FANCB: variants seen among roughly 807,000 people sequenced by gnomAD.
FANCB encodes the protein FA complementation group B.
In FANCB, 5 loss-of-function variants were observed where a neutral mutation model predicts 38.9. The observed-to-expected ratio is 0.13, with a 90% CI of 0.07 to 0.27. FANCB has a LOEUF of 0.27. Ranked by LOEUF, FANCB falls within the 10% of genes least tolerant of loss-of-function variation. The probability of loss-of-function intolerance (pLI) is 1.00; values close to 1 mark genes in which losing one functional copy is unlikely to be tolerated. For synonymous variants in FANCB, 236 were observed against 215.4 expected, an observed-to-expected ratio of 1.10 and a Z score of -0.84; for missense variants, 573 against 602.7, an observed-to-expected ratio of 0.95 and a Z score of 0.52.
the FANCB span, among the ~76,000 whole-genome samples, chrX:14,814,732 C>G: frequency 8.9e-6 from 1 of 112,142 alleles, no homozygotes; most frequent in Non-Finnish European, 1.9e-5. Context: ...GGAACGTAAA[C>G]TAGTTCAACC....
At chrX:14,834,524 C>T (rs2092335953), downstream of FANCB, 3 of 501,027 alleles carry the variant, frequency 6.0e-6, no homozygotes, top group Admixed American at 2.4e-5. Flanking sequence ...TGGTCAGTCA[C>T]CCAGAAGCAA....
downstream of FANCB, chrX:14,834,731 AT>A: frequency 1.4e-6 from 1 of 739,162 alleles, no homozygotes; most frequent in Non-Finnish European, 2.1e-6. Flanking sequence ...TTCCATTCTG[AT>A]TTGACTTGTG....
chrX:14,812,473 T>C, the FANCB span, among the ~76,000 whole-genome samples: 7 of 111,796 alleles, frequency 6.3e-5, no homozygotes, highest in African/African-American at 1.9e-4. Flanking sequence ...TAAAAAATGA[T>C]AAAGGGGATA....
At chrX:14,709,262 A>AC in the FANCB span, among the ~76,000 whole-genome samples, 22 of 110,151 alleles carry the variant, frequency 2.0e-4, no homozygotes, top group African/African-American at 3.0e-4. Context: ...AGGGCTACAG[A>AC]CCCCCCATCA....
At chrX:14,860,019 A>G (rs764426562) in intron 3 of FANCB, among the ~76,000 whole-genome samples, 4 of 111,671 alleles carry the variant, frequency 3.6e-5, no homozygotes, top group Admixed American at 1.9e-4. Context: ...GCCTCACGGA[A>G]TGATTTGGTC....
At chrX:14,759,430 A>G in the FANCB span, among the ~76,000 whole-genome samples, 1 of 111,715 alleles carries the variant, frequency 9.0e-6, no homozygotes, top group Non-Finnish European at 1.9e-5. Context: ...TAAGTTATCT[A>G]AAGTCAAAAT....
chrX:14,754,006 C>A, the FANCB span, among the ~76,000 whole-genome samples: 1 of 112,193 alleles, frequency 8.9e-6, no homozygotes, highest in South Asian at 3.6e-4. Flanking sequence ...CCAGAGAAGC[C>A]AATGTTTGCC....
chrX:14,692,639 C>A, the FANCB span, among the ~76,000 whole-genome samples: 1 of 111,411 alleles, frequency 9.0e-6, no homozygotes, highest in Non-Finnish European at 1.9e-5. Context: ...GAATCTGTAC[C>A]CTTAATAAGC....
At chrX:14,735,447 C>T in the FANCB span, among the ~76,000 whole-genome samples, 2 of 111,926 alleles carry the variant, frequency 1.8e-5, no homozygotes, top group African/African-American at 3.2e-5. Flanking sequence ...GATGTTGATG[C>T]TATTCCTTTT....
chrX:14,822,345 G>A, the FANCB span, among the ~76,000 whole-genome samples: 1 of 109,536 alleles, frequency 9.1e-6, no homozygotes, highest in Admixed American at 9.9e-5. Flanking sequence ...ACAGGGCTGG[G>A]GTAGCCTTCA....
chrX:14,835,328 G>A (rs2092338345), downstream of FANCB: 5 of 478,501 alleles, frequency 1.0e-5, no homozygotes, highest in South Asian at 1.2e-4. Context: ...CCATCAGGTG[G>A]CTACATGCAC....
At chrX:14,855,848 C>A (rs1343978028) in intron 5 of FANCB, among the ~76,000 whole-genome samples, 2 of 112,038 alleles carry the variant, frequency 1.8e-5, no homozygotes, top group Non-Finnish European at 3.8e-5. Context: ...CACATGCTCC[C>A]AGGGCAAAAG....
the FANCB span, among the ~76,000 whole-genome samples, chrX:14,794,122 C>T: frequency 9.0e-6 from 1 of 111,478 alleles, no homozygotes; most frequent in African/African-American, 3.3e-5. Flanking sequence ...CTTTTACATA[C>T]AGCTAGGTAA....
At chrX:14,766,413 C>T in the FANCB span, among the ~76,000 whole-genome samples, 1 of 111,625 alleles carries the variant, frequency 9.0e-6, no homozygotes, top group African/African-American at 3.3e-5. Flanking sequence ...TTAGTAAGCA[C>T]CCAGAAGTAA....
the FANCB span, among the ~76,000 whole-genome samples, chrX:14,816,157 T>C: frequency 3.6e-5 from 4 of 111,883 alleles, no homozygotes; most frequent in Non-Finnish European, 7.5e-5. Flanking sequence ...ATCCTCTAAA[T>C]TTATGTAAAT....
At position 14,843,895 on chromosome X, in the gene FANCB, C is replaced by T. The variant is rs749699443; in HGVS notation, c.2252G>A (p.Ser751Asn). The T allele has an allele frequency of 8.3e-7, 1 of 1,203,435 alleles. No individual in the cohort carries two copies. Among genetic ancestry groups the T allele is most frequent in the African/African-American group, 1.8e-5 (1 of 56,955 alleles). Residue 751 changes from serine to asparagine, a missense_variant, in exon 10 of 10, where the codon AGT becomes AAT. Transcript: ENST00000650831. ...CATATTATCAATTAGGAAATTCTCACTTCCTGATTTTAGATTTTTGAGGAA... is the reference window on the plus strand; with the variant it reads ...CATATTATCAATTAGGAAATTCTCATTTCCTGATTTTAGATTTTTGAGGAA... ...NCFLKNLKSGSENFLIDNMAF... is the reference protein window; with the variant it reads ...NCFLKNLKSGNENFLIDNMAF...
intron 7 of FANCB, among the ~76,000 whole-genome samples, chrX:14,846,176 T>C (rs779391764): frequency 9.0e-6 from 1 of 111,464 alleles, no homozygotes; most frequent in South Asian, 3.7e-4. Context: ...AGACAGAAGA[T>C]ACAGAAAGAA....
At chrX:14,848,989 A>G (rs2092389291) in intron 7 of FANCB, among the ~76,000 whole-genome samples, 2 of 111,054 alleles carry the variant, frequency 1.8e-5, no homozygotes, top group Admixed American at 1.9e-4. Flanking sequence ...ACAAAGAGAG[A>G]GCCCCGTTGC....
chrX:14,800,088 G>A, the FANCB span, among the ~76,000 whole-genome samples: 20,724 of 111,182 alleles, frequency 0.19, 1,767 homozygotes, highest in Middle Eastern at 0.27. Flanking sequence ...AGTATGCTCT[G>A]GAAAGAACAT....
Sources: gnomAD v4.1 joint callset for allele counts (sites outside exome capture counted in the v4.1 genomes callset) on GRCh38, gnomAD v4.1.1 for gene constraint, MANE v1.5 for transcripts, NCBI Gene and HGNC (gene_info 2026-07-23, HGNC 2026-07-21) for gene names.